ARMH4: variants seen among roughly 807,000 people sequenced by gnomAD.
The protein encoded by ARMH4 is armadillo like helical domain containing 4, also known as armadillo-like helical domain-containing protein 4.
Under a neutral mutation model 61.9 loss-of-function variants are expected in ARMH4, and 49 were observed. The ratio of observed to expected loss-of-function variants is 0.79; its 90% confidence interval spans 0.63 to 1.00. ARMH4 has a LOEUF of 1.00. ARMH4 is among the 50% of genes least tolerant of loss of function. The pLI is 0.00. For synonymous variants in ARMH4, 368 were observed against 341.5 expected (o/e 1.08, Z -0.85); for missense variants, 934 against 930.0 (o/e 1.00, Z -0.06).
intron 5 of ARMH4, among the ~76,000 whole-genome samples, chr14:58,050,647 G>T (rs537531222): frequency 8.9e-5 from 13 of 146,402 alleles, no homozygotes; most frequent in Admixed American, 6.8e-4. Context: ...ATTGCTCTTG[G>T]TTTTTTTTTT....
At chr14:58,110,791 G>A (rs541669580) in intron 4 of ARMH4, among the ~76,000 whole-genome samples, 3 of 151,830 alleles carry the variant, frequency 2.0e-5, no homozygotes, top group African/African-American at 4.8e-5. Context: ...GTGCCATCTC[G>A]GCTCACTGCA....
At chr14:58,041,351 C>A (rs9323325) in intron 5 of ARMH4, among the ~76,000 whole-genome samples, 35,793 of 151,968 alleles carry the variant, frequency 0.24, 4,636 homozygotes, top group Non-Finnish European at 0.3. Flanking sequence ...ACTAAGCTTC[C>A]TAAGTGAAGG....
At chr14:58,124,940 T>A (rs965262604) in intron 4 of ARMH4, among the ~76,000 whole-genome samples, 1 of 152,062 alleles carries the variant, frequency 6.6e-6, no homozygotes, top group African/African-American at 2.4e-5. Context: ...AGACTCTAAG[T>A]ATGCTTACCT....
intron 4 of ARMH4, among the ~76,000 whole-genome samples, chr14:58,103,468 T>C (rs1174731421): frequency 1.3e-5 from 2 of 151,834 alleles, no homozygotes; most frequent in Non-Finnish European, 2.9e-5. Context: ...CCCCTCAGCC[T>C]CCAGAACGAT....
chr14:58,026,741 G>C (rs953415100), intron 5 of ARMH4, among the ~76,000 whole-genome samples: 1 of 152,066 alleles, frequency 6.6e-6, no homozygotes, highest in Non-Finnish European at 1.5e-5. Flanking sequence ...TTTTAGGTAA[G>C]GTGATAAGCC....
chr14:58,090,338 T>C (rs1007037369), intron 5 of ARMH4, among the ~76,000 whole-genome samples: 5 of 152,110 alleles, frequency 3.3e-5, no homozygotes, highest in African/African-American at 1.2e-4. Flanking sequence ...AGATTGATCA[T>C]GGGATTCTTA....
intron 4 of ARMH4, among the ~76,000 whole-genome samples, chr14:58,108,149 G>A (rs1886229402): frequency 6.6e-6 from 1 of 152,124 alleles, no homozygotes; most frequent in Non-Finnish European, 1.5e-5. Flanking sequence ...TCCAGCAGAT[G>A]GCTCTCCAGG....
intron 5 of ARMH4, among the ~76,000 whole-genome samples, chr14:58,044,657 C>G (rs1883863901): frequency 6.6e-6 from 1 of 152,108 alleles, no homozygotes; most frequent in Non-Finnish European, 1.5e-5. Context: ...GCAAAAGAAA[C>G]TACCATCAGA....
chr14:58,070,695 C>A (rs1884855768), intron 5 of ARMH4, among the ~76,000 whole-genome samples: 1 of 152,126 alleles, frequency 6.6e-6, no homozygotes, highest in South Asian at 2.1e-4. Flanking sequence ...AAGCTTTTAT[C>A]CTTTGAGTGA....
intron 4 of ARMH4, among the ~76,000 whole-genome samples, chr14:58,118,914 T>TA (rs1395127061): frequency 6.6e-6 from 1 of 151,934 alleles, no homozygotes; most frequent in Non-Finnish European, 1.5e-5. Flanking sequence ...GCAGACACCT[T>TA]AAAAAAAATC....
intron 4 of ARMH4, among the ~76,000 whole-genome samples, chr14:58,103,847 T>C (rs1435909031): frequency 6.6e-6 from 1 of 152,226 alleles, no homozygotes; most frequent in African/African-American, 2.4e-5. Flanking sequence ...CAATTGTGAC[T>C]ATATAATCCT....
At chr14:58,099,948 G>A (rs1040234972) in intron 4 of ARMH4, among the ~76,000 whole-genome samples, 1 of 152,168 alleles carries the variant, frequency 6.6e-6, no homozygotes, top group African/African-American at 2.4e-5. Flanking sequence ...CAAGGCTGTT[G>A]TAAGGATTTC....
chr14:58,073,851 T>TG (rs1289512276), intron 5 of ARMH4, among the ~76,000 whole-genome samples: 3 of 152,184 alleles, frequency 2.0e-5, no homozygotes, highest in Admixed American at 1.3e-4. Flanking sequence ...CAACAGTAAA[T>TG]GGTAACACTA....
chr14:58,042,585 G>T (rs1369661000), intron 5 of ARMH4, among the ~76,000 whole-genome samples: 1 of 151,970 alleles, frequency 6.6e-6, no homozygotes, highest in African/African-American at 2.4e-5. Flanking sequence ...CAGAAGGCAA[G>T]AAATAACTAA....
At chr14:58,015,422 T>G (rs1882575270) in intron 5 of ARMH4, among the ~76,000 whole-genome samples, 1 of 152,142 alleles carries the variant, frequency 6.6e-6, no homozygotes, top group South Asian at 2.1e-4. Flanking sequence ...ACTGTGAGCT[T>G]GATGACATTT....
chr14:58,025,288 C>T (rs1001895711), intron 5 of ARMH4, among the ~76,000 whole-genome samples: 3 of 152,136 alleles, frequency 2.0e-5, no homozygotes, highest in African/African-American at 7.2e-5. Context: ...TTTCAGACTA[C>T]TTGAATTTAT....
intron 5 of ARMH4, among the ~76,000 whole-genome samples, chr14:58,041,946 C>G (rs1464095447): frequency 1.3e-5 from 2 of 152,062 alleles, no homozygotes; most frequent in Non-Finnish European, 1.5e-5. Context: ...ATTCATAAAG[C>G]AAGTCCTTAG....
intron 5 of ARMH4, among the ~76,000 whole-genome samples, chr14:58,072,613 T>C (rs1172356153): frequency 1.6e-4 from 24 of 151,776 alleles, no homozygotes; most frequent in Non-Finnish European, 4.4e-5. Context: ...TCCCAGCTAC[T>C]CAGGAGGTTG....
intron 5 of ARMH4, among the ~76,000 whole-genome samples, chr14:58,025,888 GTCTA>G (rs1481167017): frequency 1.3e-5 from 2 of 151,970 alleles, no homozygotes; most frequent in Non-Finnish European, 2.9e-5. Flanking sequence ...AACATTAATC[GTCTA>G]TCTAAGAAGC....
Sources: gnomAD v4.1 joint callset for allele counts (sites outside exome capture counted in the v4.1 genomes callset) on GRCh38, gnomAD v4.1.1 for gene constraint, MANE v1.5 for transcripts, NCBI Gene and HGNC (gene_info 2026-07-23, HGNC 2026-07-21) for gene names.